Variants in GLRA3 observed in about 807,000 individuals in gnomAD.
The protein encoded by GLRA3 is glycine receptor subunit alpha-3.
In GLRA3, 44 loss-of-function variants were observed where a neutral mutation model predicts 60.4. The observed-to-expected ratio is 0.73, with a 90% CI of 0.57 to 0.94. The LOEUF (loss-of-function observed/expected upper bound fraction) is 0.94. Ranked by LOEUF, GLRA3 falls within the 40% of genes least tolerant of loss-of-function variation. The pLI, the probability that GLRA3 is intolerant of heterozygous loss-of-function variation, is 0.00. For missense variants in GLRA3, 508 were observed against 564.6 expected (o/e 0.90, Z 1.02); for synonymous variants, 223 against 192.9 (o/e 1.16, Z -1.29).
chr4:174,744,451 G>T (rs1579540364), intron 3 of GLRA3, among the ~76,000 whole-genome samples: 1 of 152,188 alleles, frequency 6.6e-6, no homozygotes, highest in Non-Finnish European at 1.5e-5. Context: ...CCTAAAGACT[G>T]GCCCACCTGG....
chr4:174,732,584 T>C (rs1037095648), intron 3 of GLRA3, among the ~76,000 whole-genome samples: 15 of 151,654 alleles, frequency 9.9e-5, no homozygotes, highest in African/African-American at 3.6e-4. Flanking sequence ...GGCAGAAAAA[T>C]GCGTAATAAA....
At chr4:174,660,854 C>T (rs1733405354) in intron 7 of GLRA3, among the ~76,000 whole-genome samples, 1 of 152,116 alleles carries the variant, frequency 6.6e-6, no homozygotes, top group South Asian at 2.1e-4. Context: ...TGATGTAATA[C>T]ATTAACATCA....
At chr4:174,796,447 A>T (rs1024432225) in intron 1 of GLRA3, among the ~76,000 whole-genome samples, 9 of 152,276 alleles carry the variant, frequency 5.9e-5, no homozygotes, top group Admixed American at 2.0e-4. Context: ...ACTTTTAAAG[A>T]TTCACATTTT....
intron 2 of GLRA3, among the ~76,000 whole-genome samples, chr4:174,773,055 GA>G (rs2111253249): frequency 6.6e-6 from 1 of 152,180 alleles, no homozygotes; most frequent in Non-Finnish European, 1.5e-5. Context: ...ACGAAGCTCA[GA>G]GAAGATTATG....
At chr4:174,728,883 C>G (rs959914031) in intron 3 of GLRA3, among the ~76,000 whole-genome samples, 185 bp from the exon 4 acceptor site, 2 of 152,126 alleles carry the variant, frequency 1.3e-5, no homozygotes, top group African/African-American at 2.4e-5. Context: ...ATGGAAATCT[C>G]TGTACCTTCT....
At chr4:174,726,893 A>C (rs1170429613) in intron 4 of GLRA3, among the ~76,000 whole-genome samples, 1 of 152,206 alleles carries the variant, frequency 6.6e-6, no homozygotes, top group Non-Finnish European at 1.5e-5. Flanking sequence ...TAAAAGGTGC[A>C]AAATTATCTT....
chr4:174,667,663 A>G (rs1733732889), intron 7 of GLRA3, among the ~76,000 whole-genome samples: 1 of 152,162 alleles, frequency 6.6e-6, no homozygotes. Flanking sequence ...GAGAGTAAAG[A>G]CAGGCAGTCT....
At chr4:174,661,520 T>C (rs754499798) in intron 7 of GLRA3, among the ~76,000 whole-genome samples, 7 of 152,224 alleles carry the variant, frequency 4.6e-5, no homozygotes, top group Non-Finnish European at 1.0e-4. Context: ...AGGTGCTTTT[T>C]GTGTGCAGAT....
intron 3 of GLRA3, among the ~76,000 whole-genome samples, chr4:174,764,192 C>T (rs895589850): frequency 1.3e-5 from 2 of 151,880 alleles, no homozygotes; most frequent in African/African-American, 4.8e-5. Context: ...ACTTAATTAA[C>T]AAAAAGTGGC....
intron 1 of GLRA3, among the ~76,000 whole-genome samples, chr4:174,798,797 G>T (rs540933761): frequency 6.6e-6 from 1 of 152,080 alleles, no homozygotes; most frequent in Admixed American, 6.5e-5. Flanking sequence ...GGTGGTGAGC[G>T]CCTGTAGTCC....
intron 7 of GLRA3, among the ~76,000 whole-genome samples, chr4:174,676,324 AAC>A (rs1734115280): frequency 6.8e-6 from 1 of 146,366 alleles, no homozygotes; most frequent in African/African-American, 2.6e-5. Context: ...GGGAGAAAAA[AAC>A]ACAAAAATAA....
At chr4:174,728,764 G>C (rs1027646450) in intron 3 of GLRA3, 66 bp from the exon 4 acceptor site, 1 of 989,414 alleles carries the variant, frequency 1.0e-6, no homozygotes, top group Non-Finnish European at 1.5e-6. Context: ...AATCCATAGT[G>C]TCAGTGTGGT....
Position 174,828,797 on chromosome 4 carries a change from T to C in GLRA3, c.15A>G (p.Arg5=). 6.2e-7 allele frequency: 1 copy of C among 1,610,032 alleles called. No homozygotes were observed. The highest frequency in any genetic ancestry group is 1.1e-5 in the South Asian group (1 of 90,994). MAHV[R]HFRTLVSGFY... Reference sequence around the variant, plus strand: ...ATCCCGAAACTAATGTCCGAAAGTGTCTCACGTGGGCCATGATACGGAGAG... The same window carrying C: ...ATCCCGAAACTAATGTCCGAAAGTGCCTCACGTGGGCCATGATACGGAGAG... Residue 5 remains arginine (R), a synonymous_variant, in exon 1 of 10, where the codon AGA becomes AGG. Coordinates refer to ENST00000274093, the MANE Select transcript of GLRA3 (RefSeq NM_006529.4).
chr4:174,721,714 T>C (rs1225915598), intron 4 of GLRA3, among the ~76,000 whole-genome samples: 1 of 151,450 alleles, frequency 6.6e-6, no homozygotes, highest in Non-Finnish European at 1.5e-5. Flanking sequence ...TCTATATATC[T>C]AAGACAGATA....
At chr4:174,679,224 A>G (rs1481995278) in intron 6 of GLRA3, among the ~76,000 whole-genome samples, 1 of 152,014 alleles carries the variant, frequency 6.6e-6, no homozygotes, top group Non-Finnish European at 1.5e-5. Flanking sequence ...CCAGCTACTC[A>G]GGGGGCTGAG....
intron 1 of GLRA3, among the ~76,000 whole-genome samples, chr4:174,814,831 TG>T (rs1421732526): frequency 6.6e-6 from 1 of 152,116 alleles, no homozygotes; most frequent in Non-Finnish European, 1.5e-5. Flanking sequence ...GTGATTTGGG[TG>T]GGGACAGAGA....
chr4:174,811,550 T>C (rs888373614), intron 1 of GLRA3, among the ~76,000 whole-genome samples: 2 of 152,174 alleles, frequency 1.3e-5, no homozygotes, highest in Non-Finnish European at 2.9e-5. Flanking sequence ...TAAATTCTTA[T>C]AGGCCATAGG....
intron 1 of GLRA3, among the ~76,000 whole-genome samples, chr4:174,817,585 A>C (rs1740560058): frequency 6.6e-6 from 1 of 152,144 alleles, no homozygotes; most frequent in Non-Finnish European, 1.5e-5. Flanking sequence ...AAACAAAGAT[A>C]GATAATCTGG....
intron 3 of GLRA3, among the ~76,000 whole-genome samples, chr4:174,761,288 G>A (rs56277526): frequency 0.051 from 7,773 of 151,974 alleles, 240 homozygotes; most frequent in African/African-American, 0.066. Flanking sequence ...ATTGGCTTAG[G>A]TATCTCTCGA....
Sources: allele counts gnomAD v4.1 joint callset (sites outside exome capture counted in the v4.1 genomes callset), GRCh38; gene constraint gnomAD v4.1.1; transcripts MANE v1.5; gene names NCBI Gene and HGNC (gene_info 2026-07-23, HGNC 2026-07-21).